SPECC1: variants seen among roughly 807,000 people sequenced by gnomAD.
SPECC1 encodes sperm antigen with calponin homology and coiled-coil domains 1.
Under a neutral mutation model 104.1 loss-of-function variants are expected in SPECC1, and 62 were observed. That is an observed-to-expected ratio of 0.60 (90% confidence interval 0.49 to 0.74). SPECC1 has a LOEUF of 0.74. Ranked by LOEUF, SPECC1 falls within the 30% of genes least tolerant of loss-of-function variation. The pLI, the probability that SPECC1 is intolerant of heterozygous loss-of-function variation, is 0.00. For missense variants in SPECC1, 1,306 were observed against 1,310.5 expected (o/e 1.00, Z 0.05); for synonymous variants, 513 against 501.6 (o/e 1.02, Z -0.30).
At chr17:20,120,383 C>T (rs979263324) in intron 3 of SPECC1, among the ~76,000 whole-genome samples, 2 of 150,852 alleles carry the variant, frequency 1.3e-5, no homozygotes, top group African/African-American at 4.9e-5. Context: ...GAGACTCAGT[C>T]TCAAAAAAAA....
chr17:20,298,429 T>C (rs2041428587), intron 13 of SPECC1, among the ~76,000 whole-genome samples: 1 of 151,672 alleles, frequency 6.6e-6, no homozygotes, highest in African/African-American at 2.4e-5. Context: ...CACCTTGGTG[T>C]TGTCCAGGCC....
chr17:20,315,829 C>T lies in SPECC1; in HGVS notation c.*1764C>T. 4.3e-6 allele frequency: 1 copy of T among 232,982 alleles called. No individual in the cohort carries two copies. Among genetic ancestry groups the T allele is most frequent in the Non-Finnish European group, 8.5e-6 (1 of 117,876 alleles). The allele number at this position is 232,982 out of a possible 1,614,324, so 14.4% of individuals were successfully genotyped here. The stretch of plus-strand genomic sequence containing the variant: ...CCGCCCCCCTGTTAGTGCATCCCAG[C>T]TGCAGCTCTGCATCAGAACCTACAG... On this transcript the variant is annotated 3_prime_UTR_variant, in exon 15 of 15. Transcript: ENST00000395527.
At chr17:20,055,555 G>A (rs2045930745) in intron 1 of SPECC1, among the ~76,000 whole-genome samples, 1 of 152,176 alleles carries the variant, frequency 6.6e-6, no homozygotes, top group African/African-American at 2.4e-5. Context: ...CAACTAATGG[G>A]ATATTTGAAC....
At chr17:20,236,875 C>T (rs1205211465) in intron 7 of SPECC1, 8 of 1,613,762 alleles carry the variant, frequency 5.0e-6, no homozygotes, top group Non-Finnish European at 6.8e-6. Context: ...TGGGCTCTGT[C>T]AGCTAGCAGA....
intron 1 of SPECC1, among the ~76,000 whole-genome samples, chr17:20,094,240 A>G (rs1476741763): frequency 6.6e-6 from 1 of 152,006 alleles, no homozygotes; most frequent in Non-Finnish European, 1.5e-5. Context: ...TTGAATTCAG[A>G]GGGTCCAAGA....
At chr17:20,117,052 T>C (rs2048797975) in intron 3 of SPECC1, among the ~76,000 whole-genome samples, 2 of 152,008 alleles carry the variant, frequency 1.3e-5, no homozygotes, top group Non-Finnish European at 2.9e-5. Context: ...TTAGGCATTC[T>C]GGAACTGAAG....
chr17:20,295,299 C>T (rs367668567), intron 12 of SPECC1, among the ~76,000 whole-genome samples: 3 of 151,582 alleles, frequency 2.0e-5, no homozygotes, highest in East Asian at 3.9e-4. Flanking sequence ...TGATAGTTTA[C>T]TCAGTATGAT....
Position 20,162,919 on chromosome 17 carries a change from T to C in SPECC1, c.284-41414T>C, listed in dbSNP as rs192842313. On this transcript the variant is annotated intron_variant, in intron 3 of 14. Coordinates refer to ENST00000395527, the MANE Select transcript of SPECC1 (RefSeq NM_001243439.2). ...GGCACATGCCTGTAATCCCAGCTACTTGGGAGGCTGAGGCAGGAGAGTCCC... is the reference window on the plus strand; with the variant it reads ...GGCACATGCCTGTAATCCCAGCTACCTGGGAGGCTGAGGCAGGAGAGTCCC... Among the ~76,000 whole-genome samples, 668 of 152,252 alleles carry C rather than the reference T, an allele frequency of 4.4e-3. 4 individuals are homozygous for C. The highest frequency in any genetic ancestry group is 0.015 in the African/African-American group (627 of 41,544).
intron 3 of SPECC1, among the ~76,000 whole-genome samples, chr17:20,148,845 G>A (rs1337920243): frequency 6.6e-6 from 1 of 151,916 alleles, no homozygotes; most frequent in Non-Finnish European, 1.5e-5. Context: ...TCAGGCTCCC[G>A]AGTAGCCGAG....
At chr17:20,239,917 A>T (rs2039120584) in intron 7 of SPECC1, among the ~76,000 whole-genome samples, 1 of 104,510 alleles carries the variant, frequency 9.6e-6, no homozygotes, top group Admixed American at 1.3e-4. Flanking sequence ...TTTTAAAGAC[A>T]GGGCCTCACT....
chr17:20,293,509 G>A (rs1044692990), intron 12 of SPECC1, among the ~76,000 whole-genome samples: 2 of 152,228 alleles, frequency 1.3e-5, no homozygotes, highest in Non-Finnish European at 2.9e-5. Flanking sequence ...CATCTGGGCA[G>A]AGGGAGGAAA....
chr17:20,140,797 G>A (rs1239493647), intron 3 of SPECC1, among the ~76,000 whole-genome samples: 1 of 152,174 alleles, frequency 6.6e-6, no homozygotes, highest in Admixed American at 6.5e-5. Context: ...AGCAACTTCT[G>A]TATTACCAGA....
intron 1 of SPECC1, chr17:20,017,930 GA>G (rs1459693489): frequency 6.7e-6 from 1 of 149,628 alleles, no homozygotes; most frequent in Non-Finnish European, 1.5e-5. Context: ...AAAACTTGGT[GA>G]TTCTTTATGT....
intron 1 of SPECC1, among the ~76,000 whole-genome samples, chr17:20,068,816 C>G (rs557007191): frequency 6.6e-6 from 1 of 152,278 alleles, no homozygotes; most frequent in African/African-American, 2.4e-5. Context: ...AATACCTGTT[C>G]AGATCCTTTA....
In SPECC1 at chr17:20,260,287, G is replaced by T. The variant is rs1457903105; in HGVS notation, c.2933G>T (p.Gly978Val). The change falls in exon 12 of 15, where the codon GGT becomes GTT. Residue 978 changes from glycine to valine, a missense_variant. By Grantham distance (109) the Gly-to-Val change is moderately radical (BLOSUM62 -3). Coordinates refer to ENST00000395527, the MANE Select transcript of SPECC1 (RefSeq NM_001243439.2). ...LLKWCQKKTQ[G>V]YANIDITNFS... ...AAATGGTGCCAGAAGAAGACACAAG[G>T]TTATGCGGTAAGGGACAACATCAGC... 13 of 1,613,810 alleles carry T rather than the reference G, an allele frequency of 8.1e-6. No homozygotes were observed. The highest frequency in any genetic ancestry group is 9.3e-6 in the Non-Finnish European group (11 of 1,179,778).
chr17:20,094,377 G>C (rs1273623094), intron 1 of SPECC1, among the ~76,000 whole-genome samples: 1 of 152,204 alleles, frequency 6.6e-6, no homozygotes, highest in Non-Finnish European at 1.5e-5. Flanking sequence ...CGCATTTGTT[G>C]CCAGAGATTA....
At position 20,110,583 on chromosome 17, in the gene SPECC1, G is replaced by A. The variant is rs148319010; in HGVS notation, c.283+21G>A. Reference sequence around the variant, plus strand: ...CACAGGTAGGAGGGACCGGGCAGGTGGGCTCGGCAGGCCATCAGTCCTGGC... The same window carrying A: ...CACAGGTAGGAGGGACCGGGCAGGTAGGCTCGGCAGGCCATCAGTCCTGGC... On this transcript the variant is annotated intron_variant, in intron 3 of 14. Coordinates refer to ENST00000395527, the MANE Select transcript of SPECC1 (RefSeq NM_001243439.2). 1.4e-3 allele frequency: 2,263 copies of A among 1,599,876 alleles called. 2 individuals are homozygous for A. The highest frequency in any genetic ancestry group is 1.8e-3 in the Non-Finnish European group (2,097 of 1,173,050).
chr17:20,090,959 T>A (rs1463025321), intron 1 of SPECC1, among the ~76,000 whole-genome samples: 1 of 152,218 alleles, frequency 6.6e-6, no homozygotes, highest in East Asian at 1.9e-4. Context: ...CCCTATTCTT[T>A]ATGGGTCTTC....
At chr17:20,182,699 G>A (rs1004583545) in intron 3 of SPECC1, among the ~76,000 whole-genome samples, 31 of 152,136 alleles carry the variant, frequency 2.0e-4, no homozygotes, top group Admixed American at 6.5e-5. Flanking sequence ...CAATGACAGC[G>A]TAATACTATC....
Sources: gnomAD v4.1 joint callset for allele counts (sites outside exome capture counted in the v4.1 genomes callset) on GRCh38, gnomAD v4.1.1 for gene constraint, MANE v1.5 for transcripts, NCBI Gene and HGNC (gene_info 2026-07-23, HGNC 2026-07-21) for gene names.